The following FRAS1 variants were observed in gnomAD, a reference collection of about 807,000 sequenced individuals.
FRAS1 encodes Fraser extracellular matrix complex subunit 1.
FRAS1 carries 290 observed loss-of-function variants against 435.2 expected under a neutral mutation model. The ratio of observed to expected loss-of-function variants is 0.67; its 90% CI spans 0.61 to 0.73. The LOEUF (loss-of-function observed/expected upper bound fraction) is 0.73. Ranked by LOEUF, FRAS1 falls within the 30% of genes least tolerant of loss-of-function variation. FRAS1 has a pLI of 0.00. For synonymous variants in FRAS1, 1,800 were observed against 1,851.0 expected, an observed-to-expected ratio of 0.97 and a Z score of 0.71; for missense variants, 4,860 against 5,001.5, an observed-to-expected ratio of 0.97 and a Z score of 0.85.
intron 47 of FRAS1, among the ~76,000 whole-genome samples, chr4:78,457,464 A>G (rs1719237880): frequency 6.6e-6 from 1 of 152,184 alleles, no homozygotes; most frequent in South Asian, 2.1e-4. Context: ...CACAGGTTAC[A>G]CAGAGCATTT....
chr4:78,497,290 G>A (rs544395235), intron 60 of FRAS1, among the ~76,000 whole-genome samples: 2 of 152,204 alleles, frequency 1.3e-5, no homozygotes, highest in Non-Finnish European at 2.9e-5. Context: ...AATACAGTTG[G>A]AATCAGTGGA....
At chr4:78,449,527 C>T (rs1718953273) in intron 44 of FRAS1, among the ~76,000 whole-genome samples, 1 of 152,138 alleles carries the variant, frequency 6.6e-6, no homozygotes, top group Non-Finnish European at 1.5e-5. Flanking sequence ...CTATTTTTAA[C>T]ATGATAAAGC....
intron 2 of FRAS1, among the ~76,000 whole-genome samples, chr4:78,177,087 GT>G (rs35373726): frequency 0.5 from 67,145 of 133,208 alleles, 17,764 homozygotes; most frequent in East Asian, 0.67. Context: ...AGTGATGTGA[GT>G]TTTTTTTTTT....
At position 78,479,279 on chromosome 4, in the gene FRAS1, G is replaced by A. The variant is rs1273762834; in HGVS notation, c.8099-95G>A. ...GTTTGAACAGAAATAGTGATGGACT[G>A]TTTGGGAGGGACCAAGCTCATTAAC... On this transcript the variant is annotated intron_variant, in intron 55 of 73. Transcript: ENST00000512123. The A allele has an allele frequency of 2.3e-5, 18 of 774,664 alleles. No individual in the cohort carries two copies. In the East Asian group the frequency reaches 5.2e-4, roughly 22 times the overall value. The allele number at this position is 774,664 out of a possible 1,614,324, so 48.0% of individuals were successfully genotyped here.
chr4:78,333,069 C>T (rs1362485907), intron 18 of FRAS1, among the ~76,000 whole-genome samples: 1 of 152,200 alleles, frequency 6.6e-6, no homozygotes, highest in African/African-American at 2.4e-5. Flanking sequence ...ATGTGCTTTA[C>T]TTAATCTGAG....
chr4:78,152,415 C>T (rs1415487597), intron 2 of FRAS1, among the ~76,000 whole-genome samples: 2 of 152,068 alleles, frequency 1.3e-5, no homozygotes, highest in Non-Finnish European at 2.9e-5. Context: ...GGGCCACTGT[C>T]TGCTTATTCT....
intron 2 of FRAS1, among the ~76,000 whole-genome samples, chr4:78,150,787 A>G (rs1293865025): frequency 6.6e-6 from 1 of 152,238 alleles, no homozygotes; most frequent in Admixed American, 6.5e-5. Context: ...ATGATTAACT[A>G]GAACCCTGAC....
At chr4:78,531,592 A>G (rs1377526159) in intron 70 of FRAS1, among the ~76,000 whole-genome samples, 1 of 152,020 alleles carries the variant, frequency 6.6e-6, no homozygotes, top group Non-Finnish European at 1.5e-5. Flanking sequence ...CCTCTCGCCT[A>G]TTTTATTCCT....
At chr4:78,482,275 A>G in intron 57 of FRAS1, 113 bp from the exon 58 acceptor site, 3 of 1,230,340 alleles carry the variant, frequency 2.4e-6, no homozygotes, top group Non-Finnish European at 3.5e-6. Context: ...TGGATTAGAA[A>G]ATCTTACTTT....
chr4:78,229,072 A>G (rs527945318), intron 2 of FRAS1, among the ~76,000 whole-genome samples: 48 of 152,272 alleles, frequency 3.2e-4, no homozygotes, highest in African/African-American at 1.1e-3. Flanking sequence ...GCCTGTGGGT[A>G]TGGAGGTGGG....
At chr4:78,182,079 T>A in intron 2 of FRAS1, 1 of 1,493,614 alleles carries the variant, frequency 6.7e-7, no homozygotes, top group South Asian at 1.4e-5. Context: ...CCTCTACGGA[T>A]TGCAGCGGGC....
chr4:78,076,362 G>A (rs1046536796), intron 2 of FRAS1, among the ~76,000 whole-genome samples: 2 of 152,104 alleles, frequency 1.3e-5, no homozygotes, highest in African/African-American at 2.4e-5. Context: ...CCACCATCCT[G>A]AGGTGGTGAT....
intron 27 of FRAS1, among the ~76,000 whole-genome samples, chr4:78,381,203 T>C (rs1395361420): frequency 2.0e-5 from 3 of 152,238 alleles, no homozygotes; most frequent in Non-Finnish European, 2.9e-5. Context: ...GGTCACTTCA[T>C]AGAGAAGTAT....
At chr4:78,157,333 G>T (rs1578157804) in intron 2 of FRAS1, among the ~76,000 whole-genome samples, 1 of 152,148 alleles carries the variant, frequency 6.6e-6, no homozygotes, top group South Asian at 2.1e-4. Flanking sequence ...TCCTTCGGGG[G>T]TATATGCAGT....
rs7695038 is a variant in FRAS1, at chr4:78,499,716, C to G, written c.9116-5C>G. 0.47 allele frequency: 754,917 copies of G among 1,610,338 alleles called. 183,644 individuals carry two copies. The highest frequency in any genetic ancestry group is 0.71 in the East Asian group (32,017 of 44,816). ...GCTCTTGTTTTCCTAACCATATTTC[C>G]TTAGCCCCCACCATTGAGTTTGAAG... is the stretch of plus-strand genomic sequence containing the variant. On this transcript the variant is annotated splice_region_variant and splice_polypyrimidine_tract_variant and intron_variant, in intron 60 of 73. Transcript: ENST00000512123.
intron 14 of FRAS1, among the ~76,000 whole-genome samples, chr4:78,294,721 A>G (rs1728067838): frequency 6.6e-6 from 1 of 152,212 alleles, no homozygotes; most frequent in Non-Finnish European, 1.5e-5. Context: ...CTGTATCACA[A>G]TCATGGTTAA....
At chr4:78,181,273 C>A in intron 2 of FRAS1, 1 of 1,607,608 alleles carries the variant, frequency 6.2e-7, no homozygotes, top group Non-Finnish European at 8.5e-7. Flanking sequence ...CATCATTCTC[C>A]TTATTTTCAG....
rs1720622298 is a variant in FRAS1 at position 78,499,800 on chromosome 4, C to G, written c.9195C>G (p.Ile3065Met). The G allele has an allele frequency of 6.2e-7, 1 of 1,613,922 alleles. No individual in the cohort carries two copies. The highest frequency in any genetic ancestry group is 8.5e-7 in the Non-Finnish European group (1 of 1,179,826). ...AGPDAIAILN[I>M]KVIRRGDQNR... ...CAGATGCCATTGCGATTCTGAACATCAAGGTGATCCGCAGAGGGGATCAGA... is the reference window on the plus strand; with the variant it reads ...CAGATGCCATTGCGATTCTGAACATGAAGGTGATCCGCAGAGGGGATCAGA... The change falls in exon 61 of 74, where the codon ATC (isoleucine) becomes ATG (methionine). Residue 3065 changes from isoleucine (I) to methionine (M), a missense_variant. Physicochemically the swap from Ile to Met is conservative, Grantham distance 10. Coordinates refer to ENST00000512123, the MANE Select transcript of FRAS1 (RefSeq NM_025074.7).
chr4:78,237,890 T>G (rs1724831852), intron 3 of FRAS1, among the ~76,000 whole-genome samples: 2 of 152,174 alleles, frequency 1.3e-5, no homozygotes, highest in African/African-American at 4.8e-5. Flanking sequence ...GTTATCCCAT[T>G]TAATATTATG....
Sources: gnomAD v4.1 joint callset for allele counts (sites outside exome capture counted in the v4.1 genomes callset) on GRCh38, gnomAD v4.1.1 for gene constraint, MANE v1.5 for transcripts, NCBI Gene and HGNC (gene_info 2026-07-23, HGNC 2026-07-21) for gene names.